The following CEP164 variants were observed in gnomAD, a reference collection of about 807,000 sequenced individuals.
CEP164 encodes centrosomal protein 164, also known as centrosomal protein of 164 kDa.
A neutral mutation model predicts 182.7 loss-of-function variants in CEP164; 162 were observed. The observed-to-expected ratio is 0.89, with a 90% confidence interval of 0.78 to 1.01. CEP164 has a LOEUF of 1.01. CEP164 is among the 50% of genes least tolerant of loss of function. The pLI, the probability that CEP164 is intolerant of heterozygous loss-of-function variation, is 0.00. For synonymous variants in CEP164, 661 were observed against 690.0 expected (o/e 0.96, Z 0.66); for missense variants, 1,735 against 1,790.4 (o/e 0.97, Z 0.56).
At chr11:117,395,505 T>C (rs775072805) in intron 23 of CEP164, 42 bp from the exon 24 acceptor site, 1 of 1,566,830 alleles carries the variant, frequency 6.4e-7, no homozygotes, top group South Asian at 1.2e-5. Flanking sequence ...GGCTTCTCTC[T>C]GTGCTGTCTC....
At chr11:117,395,484 G>T (rs1039562299) in intron 23 of CEP164, 63 bp from the exon 24 acceptor site, 8 of 1,528,562 alleles carry the variant, frequency 5.2e-6, no homozygotes, top group Non-Finnish European at 7.1e-6. Flanking sequence ...CTCTCGTGCT[G>T]TCTGCTCCCT....
chr11:117,373,812 C>T lies in CEP164; in HGVS notation c.1214C>T (p.Pro405Leu). 2.5e-6 allele frequency: 4 copies of T among 1,614,066 alleles called. No individual in the cohort carries two copies. Among genetic ancestry groups the T allele is most frequent in the Non-Finnish European group, 3.4e-6 (4 of 1,179,974 alleles). ...CTCTCAGACTCCATAGCTTCTGACC[C>T]CAAGTCCTTCCATGGCCTGGTGAGT... The part of the protein sequence containing the change: ...PQLSDSIASD[P>L]KSFHGLDFGF... Residue 405 changes from proline (P) to leucine (L), a missense_variant, in exon 10 of 33, where the codon CCC (proline) becomes CTC (leucine). Physicochemically the swap from Pro to Leu is moderately conservative, Grantham distance 98. Coordinates refer to ENST00000278935, the MANE Select transcript of CEP164 (RefSeq NM_014956.5).
chr11:117,355,559 G>A (rs1198868195), intron 5 of CEP164: 1 of 1,246,248 alleles, frequency 8.0e-7, no homozygotes, highest in Non-Finnish European at 1.0e-6. Flanking sequence ...CCCTGAGGAG[G>A]AGCCCTCCCT....
rs1198167070 is a variant in CEP164 at position 117,412,085 on chromosome 11, TCAA to T, written c.4303_4305del (p.Thr1435del). Reference sequence around the variant, plus strand: ...CCTTGTGGCCAGACCTCTCTTCTCGTCAACACCCAAGCCAAAAGCTACTTTGAG... The same window carrying T: ...CCTTGTGGCCAGACCTCTCTTCTCGTCACCCAAGCCAAAAGCTACTTTGAG... On this transcript the variant is annotated inframe_deletion, in exon 33 of 33. Coordinates refer to ENST00000278935, the MANE Select transcript of CEP164 (RefSeq NM_014956.5). 1.9e-6 allele frequency: 3 copies of T among 1,614,140 alleles called. No individual in the cohort carries two copies. The highest frequency in any genetic ancestry group is 4.5e-5 in the East Asian group (2 of 44,858).
chr11:117,408,803 G>T, intron 28 of CEP164, 87 bp from the exon 29 acceptor site: 1 of 1,545,912 alleles, frequency 6.5e-7, no homozygotes, highest in Non-Finnish European at 8.9e-7. Context: ...ACCTAGCTCA[G>T]TGTCCCAGCC....
Position 117,410,235 on chromosome 11 carries a change from A to G in CEP164, c.4096+270A>G, listed in dbSNP as rs370075062. On this transcript the variant is annotated intron_variant, in intron 30 of 32. Transcript: ENST00000278935. The stretch of plus-strand genomic sequence containing the variant: ...TGGAGCCTGGCTGACTGGGGCCTTT[A>G]TTGTGGATTCTGGAGCTCAGTAGAA... 2.1e-4 allele frequency: 119 copies of G among 579,386 alleles called. No homozygotes were observed. In the South Asian group the frequency reaches 2.3e-3, roughly 11 times the overall value. 35.9% of individuals were successfully genotyped at this position (579,386 alleles called of 1,614,324 possible). A position where few individuals can be genotyped will look rare whatever the true frequency, so the allele number is the denominator to read the frequency against.
chr11:117,409,126 G>GCCTCCCTCT lies in CEP164; in HGVS notation c.3748+98_3748+99insCCTCCCTCT. The GCCTCCCTCT allele has an allele frequency of 6.6e-7, 1 of 1,504,266 alleles. No individual in the cohort carries two copies. The highest frequency in any genetic ancestry group is 9.0e-7 in the Non-Finnish European group (1 of 1,109,040). The allele number at this position is 1,504,266 out of a possible 1,614,324, so 93.2% of individuals were successfully genotyped here. A position where few individuals can be genotyped will look rare whatever the true frequency, so the allele number is the denominator to read the frequency against. On this transcript the variant is annotated intron_variant, in intron 29 of 32. Coordinates refer to ENST00000278935, the MANE Select transcript of CEP164 (RefSeq NM_014956.5). The surrounding 1 kb of genome is among the most constrained non-coding windows in gnomAD (Gnocchi z 4.4). ...GCTCTCTTCCCTCAGCCCTGCAGAG[G>GCCTCCCTCT]GAGGCCTCTGTGAGCCGGTGTCTGG... is the stretch of plus-strand genomic sequence containing the variant.
At chr11:117,372,399 C>T (rs1265793996) in intron 9 of CEP164, among the ~76,000 whole-genome samples, 2 of 151,666 alleles carry the variant, frequency 1.3e-5, no homozygotes, top group Non-Finnish European at 2.9e-5. Context: ...GCGTGAACCA[C>T]TGCATCTGGC....
At position 117,341,455 on chromosome 11, in the gene CEP164, T is replaced by G. The variant is rs192277327; in HGVS notation, c.83-2711T>G. ...GCCTTTTTTTGTTGTTTGTTTGTTTTTTTTTTGAGACCGAGTTTCACTCTG... is the reference window on the plus strand; with the variant it reads ...GCCTTTTTTTGTTGTTTGTTTGTTTGTTTTTTGAGACCGAGTTTCACTCTG... On this transcript the variant is annotated intron_variant, in intron 3 of 32. Coordinates refer to ENST00000278935, the MANE Select transcript of CEP164 (RefSeq NM_014956.5). Among the ~76,000 whole-genome samples, 151 of 152,104 alleles carry G rather than the reference T, an allele frequency of 9.9e-4. No individual in the cohort carries two copies. In the East Asian group the frequency reaches 0.02, roughly 20 times the overall value.
At chr11:117,354,886 A>G (rs2040133370) in intron 5 of CEP164, 4 of 1,218,308 alleles carry the variant, frequency 3.3e-6, no homozygotes, top group Admixed American at 3.0e-5. Flanking sequence ...TGTAAATCAG[A>G]AGTGCTTTGT....
chr11:117,364,753 C>T (rs770862041), intron 8 of CEP164, among the ~76,000 whole-genome samples: 2 of 152,146 alleles, frequency 1.3e-5, no homozygotes, highest in Non-Finnish European at 2.9e-5. Context: ...CTACCTTGGG[C>T]TCCCGAAGTG....
chr11:117,378,017 T>A (rs1373887734), intron 11 of CEP164, among the ~76,000 whole-genome samples: 3 of 151,754 alleles, frequency 2.0e-5, no homozygotes, highest in Non-Finnish European at 4.4e-5. Flanking sequence ...TCCACCACCA[T>A]GCCCGGCTAA....
chr11:117,394,618 TGG>T lies in CEP164; in HGVS notation c.2760+126_2760+127del. On this transcript the variant is annotated intron_variant, in intron 21 of 32. Coordinates refer to ENST00000278935, the MANE Select transcript of CEP164 (RefSeq NM_014956.5). The surrounding 1 kb of genome is among the most constrained non-coding windows in gnomAD (Gnocchi z 4.0). ...AGCTTCTGGAGTGAGAGTCTCTCAC[TGG>T]CCATCTCCAAGCTGGGGCATCCTTG... 26 of 1,295,168 alleles carry T rather than the reference TGG, an allele frequency of 2.0e-5. No homozygotes were observed. Among genetic ancestry groups the T allele is most frequent in the Non-Finnish European group, 2.5e-5 (24 of 949,308 alleles). The allele number at this position is 1,295,168 out of a possible 1,614,324, so 80.2% of individuals were successfully genotyped here.
chr11:117,341,537 G>A lies in CEP164; in HGVS notation c.83-2629G>A, dbSNP rs547303113. ...TGGCTTATTGAAGCCTTGACCCCTTGGGCTCAAGTGATTCTCCCACCTCAG... is the reference window on the plus strand; with the variant it reads ...TGGCTTATTGAAGCCTTGACCCCTTAGGCTCAAGTGATTCTCCCACCTCAG... On this transcript the variant is annotated intron_variant, in intron 3 of 32. Coordinates refer to ENST00000278935, the MANE Select transcript of CEP164 (RefSeq NM_014956.5). Among the ~76,000 whole-genome samples the A allele has an allele frequency of 7.3e-5, 11 of 151,548 alleles. No individual in the cohort carries two copies. In the South Asian group the frequency reaches 1.7e-3, roughly 23 times the overall value.
At position 117,412,372 on chromosome 11, in the gene CEP164, A is replaced by T; in HGVS notation, c.*204A>T. ...ACCTATCTCAGGCTAAAATGTGTGG[A>T]CTCGTACGAGCTCTTGTCATTGACA... On this transcript the variant is annotated 3_prime_UTR_variant, in exon 33 of 33. Transcript: ENST00000278935. The T allele has an allele frequency of 2.0e-6, 1 of 500,618 alleles. No individual in the cohort carries two copies. Among genetic ancestry groups the T allele is most frequent in the South Asian group, 2.6e-5 (1 of 37,986 alleles). The allele number at this position is 500,618 out of a possible 1,614,324, so 31.0% of individuals were successfully genotyped here.
chr11:117,354,270 A>C (rs1369761246), intron 5 of CEP164, among the ~76,000 whole-genome samples: 2 of 152,114 alleles, frequency 1.3e-5, no homozygotes, highest in East Asian at 3.9e-4. Context: ...CGCCCGCCGC[A>C]GCCTCCTAAA....
chr11:117,411,632 G>T lies in CEP164; in HGVS notation c.4164-163G>T. The T allele has an allele frequency of 5.4e-6, 5 of 927,046 alleles. No individual in the cohort carries two copies. Among genetic ancestry groups the T allele is most frequent in the Non-Finnish European group, 7.9e-6 (5 of 630,008 alleles). The allele number at this position is 927,046 out of a possible 1,614,324, so 57.4% of individuals were successfully genotyped here. On this transcript the variant is annotated intron_variant, in intron 31 of 32. Transcript: ENST00000278935. The surrounding 1 kb of genome is among the most constrained non-coding windows in gnomAD (Gnocchi z 4.4). ...TTTCCCGTTTGGGAACTGTTCTGGA[G>T]GGGCAGATGTTTTGAAGCTTTGAAT...
At position 117,394,402 on chromosome 11, in the gene CEP164, G is replaced by A. The variant is rs368178224; in HGVS notation, c.2669G>A (p.Arg890His). ...GGGCACCTGACCGGAGAGCTGGAGC[G>A]CCTGCAGAGGGCCCATGAACGAGAA... ...LLGHLTGELERLQRAHERELE... is the reference protein window; with the variant it reads ...LLGHLTGELEHLQRAHERELE... Residue 890 changes from arginine (R) to histidine (H), a missense_variant, in exon 21 of 33, where the codon CGC becomes CAC. Coordinates refer to ENST00000278935, the MANE Select transcript of CEP164 (RefSeq NM_014956.5). This position sits in a 1 kb window ranked among gnomAD's most constrained non-coding sequence, Gnocchi z 4.0. The A allele has an allele frequency of 6.2e-5, 100 of 1,612,726 alleles. No individual in the cohort carries two copies. In the Middle Eastern group the frequency reaches 6.6e-4, roughly 11 times the overall value.
chr11:117,356,670 C>G (rs895606638), intron 5 of CEP164: 152 of 1,220,410 alleles, frequency 1.2e-4, no homozygotes, highest in Non-Finnish European at 1.6e-4. Flanking sequence ...AGGGAGGGAG[C>G]AGGTGGAGTT....
Sources: gnomAD v4.1 joint callset for allele counts (sites outside exome capture counted in the v4.1 genomes callset) on GRCh38, gnomAD v4.1.1 for gene constraint, Gnocchi (gnomAD v3.1) non-coding constraint, MANE v1.5 for transcripts, NCBI Gene and HGNC (gene_info 2026-07-23, HGNC 2026-07-21) for gene names.